The following SEM1 variants were observed in gnomAD, a reference collection of about 807,000 sequenced individuals.
SEM1 encodes the protein 26S proteasome complex subunit SEM1.
A neutral mutation model predicts 12.7 loss-of-function variants in SEM1; 3 were observed. The observed-to-expected ratio is 0.24, with a 90% CI of 0.11 to 0.61. SEM1 has a LOEUF of 0.61. Ranked by LOEUF, SEM1 falls within the 20% of genes least tolerant of loss-of-function variation. SEM1 has a pLI of 0.88. For synonymous variants in SEM1, 30 were observed against 27.8 expected (o/e 1.08, Z -0.25); for missense variants, 59 against 81.3 (o/e 0.73, Z 1.06).
At chr7:96,599,146 G>T (rs1807107979) in intron 2 of SEM1, among the ~76,000 whole-genome samples, 1 of 152,128 alleles carries the variant, frequency 6.6e-6, no homozygotes, top group Admixed American at 6.5e-5. Flanking sequence ...TTTGCGGCCT[G>T]TCACAATGGA....
At chr7:96,566,027 A>G (rs1485833669) in intron 2 of SEM1, among the ~76,000 whole-genome samples, 2 of 151,840 alleles carry the variant, frequency 1.3e-5, no homozygotes, top group Non-Finnish European at 3.0e-5. Context: ...CAAATCATAC[A>G]GTCCTAGGCT....
intron 2 of SEM1, among the ~76,000 whole-genome samples, chr7:96,525,156 A>G (rs1229785688): frequency 6.6e-6 from 1 of 151,576 alleles, no homozygotes; most frequent in African/African-American, 2.4e-5. Flanking sequence ...TCTCATCCCC[A>G]CTGCTCCTTT....
At chr7:96,695,385 A>G (rs1247008595) in intron 1 of SEM1, 1 of 152,052 alleles carries the variant, frequency 6.6e-6, no homozygotes, top group Non-Finnish European at 1.5e-5. Flanking sequence ...AAGGAAGAAT[A>G]AACATAAATA....
chr7:96,501,449 A>C (rs886576790), intron 3 of SEM1, among the ~76,000 whole-genome samples: 31 of 149,530 alleles, frequency 2.1e-4, no homozygotes, highest in African/African-American at 6.5e-4. Context: ...CACACACACA[A>C]AAAAACCCAA....
chr7:96,611,275 TA>T (rs1483132343), intron 2 of SEM1, among the ~76,000 whole-genome samples: 2 of 152,206 alleles, frequency 1.3e-5, no homozygotes, highest in African/African-American at 4.8e-5. Flanking sequence ...CATGTAATGT[TA>T]AAAATGAATA....
intron 3 of SEM1, among the ~76,000 whole-genome samples, chr7:96,504,503 T>C (rs1803683476): frequency 6.6e-6 from 1 of 152,144 alleles, no homozygotes; most frequent in Non-Finnish European, 1.5e-5. Flanking sequence ...TTCATTTACA[T>C]CTATACCTCT....
downstream of SEM1, among the ~76,000 whole-genome samples, chr7:96,686,057 C>A (rs371219832): frequency 6.6e-5 from 10 of 152,182 alleles, no homozygotes; most frequent in East Asian, 1.9e-3. Context: ...TTAGCTGTTG[C>A]AATCCTGGGC....
chr7:96,578,183 G>A (rs1806268516), intron 2 of SEM1, among the ~76,000 whole-genome samples: 1 of 150,760 alleles, frequency 6.6e-6, no homozygotes, highest in South Asian at 2.1e-4. Flanking sequence ...TAATAGAATT[G>A]GGGAAAGACA....
chr7:96,522,732 CAA>C lies in SEM1; in HGVS notation c.171-16036_171-16035del, dbSNP rs34796190. On this transcript the variant is annotated intron_variant and NMD_transcript_variant, in intron 2 of 3. Coordinates refer to the SEM1 transcript ENST00000466986. ...GTCTCTACTAAAAATACCCCCCCCC[CAA>C]AAAAAAATTAGCCGGATGTGGTGGC... Among the ~76,000 whole-genome samples the C allele has an allele frequency of 1.3e-3, 169 of 129,578 alleles. 1 individual carries two copies. Among genetic ancestry groups the C allele is most frequent in the African/African-American group, 4.1e-3 (136 of 33,214 alleles). 85.0% of individuals were successfully genotyped at this position (129,578 alleles called of 152,430 possible).
intron 2 of SEM1, among the ~76,000 whole-genome samples, chr7:96,545,877 C>A (rs1009433481): frequency 3.9e-5 from 6 of 152,024 alleles, no homozygotes; most frequent in African/African-American, 1.2e-4. Flanking sequence ...AGCTTACATT[C>A]CCATAGTTGA....
chr7:96,486,205 G>GCAGA lies in SEM1; in HGVS notation c.221_224dup (p.Ser76LeufsTer31), dbSNP rs1262905977. ...TCCTGTGGCTGTCATCTGCTTACCT[G>GCAGA]CAGACCCAGGCTAACTCTGTTGTCG... is the stretch of plus-strand genomic sequence containing the variant. On this transcript the variant is annotated frameshift_variant, in exon 2 of 4. Transcript: ENST00000356686. LOFTEE classifies it low-confidence loss of function (END_TRUNC). 2 of 1,530,878 alleles carry GCAGA rather than the reference G, an allele frequency of 1.3e-6. No individual in the cohort carries two copies. Among genetic ancestry groups the GCAGA allele is most frequent in the African/African-American group, 2.8e-5 (2 of 71,706 alleles). 94.8% of individuals were successfully genotyped at this position (1,530,878 alleles called of 1,614,324 possible). A position where few individuals can be genotyped will look rare whatever the true frequency, so the allele number is the denominator to read the frequency against.
chr7:96,533,735 AT>A (rs1804709218), intron 2 of SEM1, among the ~76,000 whole-genome samples: 2 of 152,002 alleles, frequency 1.3e-5, no homozygotes, highest in Admixed American at 1.3e-4. Flanking sequence ...GTTCAAAAGT[AT>A]TTTCATAAAA....
chr7:96,637,100 C>T (rs1018551794), intron 2 of SEM1: 22 of 152,040 alleles, frequency 1.4e-4, no homozygotes, highest in African/African-American at 4.8e-4. Flanking sequence ...CCACATAGTC[C>T]TTAGGCTAGT....
chr7:96,513,237 G>A (rs1292539352), intron 2 of SEM1, among the ~76,000 whole-genome samples: 1 of 151,972 alleles, frequency 6.6e-6, no homozygotes, highest in Admixed American at 6.6e-5. Context: ...AGAGAGGCAC[G>A]GAATGGAGTG....
At chr7:96,586,803 C>T (rs191553300) in intron 2 of SEM1, among the ~76,000 whole-genome samples, 2 of 152,220 alleles carry the variant, frequency 1.3e-5, no homozygotes, top group East Asian at 3.9e-4. Flanking sequence ...TATTTTTTCC[C>T]TCTTTTTGAC....
chr7:96,525,700 T>C (rs889555632), intron 2 of SEM1, among the ~76,000 whole-genome samples: 4 of 152,094 alleles, frequency 2.6e-5, no homozygotes, highest in African/African-American at 9.7e-5. Flanking sequence ...TTGGGCTGCA[T>C]AACAGGAGGT....
intron 2 of SEM1, among the ~76,000 whole-genome samples, chr7:96,582,311 A>G (rs1393528151): frequency 6.6e-4 from 99 of 148,970 alleles, no homozygotes; most frequent in African/African-American, 2.3e-3. Flanking sequence ...CTTGCATCCC[A>G]GGGATGAAGC....
chr7:96,619,950 G>A (rs73392864), downstream of SEM1, among the ~76,000 whole-genome samples: 3,780 of 152,182 alleles, frequency 0.025, 130 homozygotes, highest in African/African-American at 0.087. Context: ...TGAGGGCAGT[G>A]AGGCCCCTCC....
At chr7:96,574,357 C>T (rs1806136404) in intron 2 of SEM1, among the ~76,000 whole-genome samples, 1 of 151,522 alleles carries the variant, frequency 6.6e-6, no homozygotes, top group Non-Finnish European at 1.5e-5. Context: ...TGGGTTGGTT[C>T]CAAGACTTTG....
Sources: allele counts gnomAD v4.1 joint callset (sites outside exome capture counted in the v4.1 genomes callset), GRCh38; gene constraint gnomAD v4.1.1; transcripts MANE v1.5; gene names NCBI Gene and HGNC (gene_info 2026-07-23, HGNC 2026-07-21).